Variants in SEC24A observed in about 807,000 individuals in gnomAD.
SEC24A encodes protein transport protein Sec24A.
In SEC24A, 93 loss-of-function variants were observed where a neutral mutation model predicts 129.4. The observed-to-expected ratio is 0.72, with a 90% CI of 0.61 to 0.85. The LOEUF is 0.85. SEC24A is among the 40% of genes least tolerant of loss of function. The pLI, the probability that SEC24A is intolerant of heterozygous loss-of-function variation, is 0.00. For missense variants in SEC24A, 1,264 were observed against 1,307.4 expected, an observed-to-expected ratio of 0.97 and a Z score of 0.51; for synonymous variants, 460 against 467.3, an observed-to-expected ratio of 0.98 and a Z score of 0.20.
Position 134,648,797 on chromosome 5 carries a change from G to A in SEC24A, c.-280G>A. ...GCGGCTGACAGGCACTTCCGGCCAG[G>A]GCCTCCCTCCTTCTCTCTAGGTTTG... On this transcript the variant is annotated 5_prime_UTR_variant, in exon 1 of 23. Transcript: ENST00000398844. 1 of 283,842 alleles carries A rather than the reference G, an allele frequency of 3.5e-6. No individual in the cohort carries two copies. The highest frequency in any genetic ancestry group is 6.6e-6 in the Non-Finnish European group (1 of 150,976). The allele number at this position is 283,842 out of a possible 1,614,324, so 17.6% of individuals were successfully genotyped here.
chr5:134,688,569 C>G (rs1751527855), intron 11 of SEC24A, among the ~76,000 whole-genome samples: 1 of 152,044 alleles, frequency 6.6e-6, no homozygotes, highest in South Asian at 2.1e-4. Flanking sequence ...CCCCCTTCTT[C>G]CCATTTATTC....
rs756556397 is a variant in SEC24A, at chr5:134,666,929, C to T, written c.672C>T (p.Leu224=). ...PAGGPPPVRA[L]TPLTSSYRDV... The stretch of plus-strand genomic sequence containing the variant: ...GAGGCCCACCCCCAGTGAGGGCCCT[C>T]ACGCCCCTGACATCATCATATAGAG... Residue 224 remains leucine (L), a synonymous_variant, in exon 3 of 23, where the codon CTC becomes CTT. Transcript: ENST00000398844. 6.2e-7 allele frequency: 1 copy of T among 1,613,854 alleles called. No individual in the cohort carries two copies.
chr5:134,705,103 T>TTTTTTTTTA (rs1554141323), intron 16 of SEC24A, among the ~76,000 whole-genome samples: 1 of 140,442 alleles, frequency 7.1e-6, no homozygotes, highest in African/African-American at 2.6e-5. Flanking sequence ...TTTTTTTTTT[T>TTTTTTTTTA]AATTAATTTA....
At chr5:134,686,674 A>G in intron 9 of SEC24A, 116 bp from the exon 10 acceptor site, 1 of 540,444 alleles carries the variant, frequency 1.9e-6, no homozygotes, top group Non-Finnish European at 3.2e-6. Flanking sequence ...GTTTATTATA[A>G]TCTCTACTCA....
In SEC24A at chr5:134,727,274, T is replaced by G. The variant is rs569040026; in HGVS notation, c.*2180T>G. On this transcript the variant is annotated 3_prime_UTR_variant, in exon 23 of 23. Coordinates refer to ENST00000398844, the MANE Select transcript of SEC24A (RefSeq NM_021982.3). Reference sequence around the variant, plus strand: ...AATTATAGTTGTAAATTATGAAAGATCCTTGAATTTTCTACAGATCTACAA... The same window carrying G: ...AATTATAGTTGTAAATTATGAAAGAGCCTTGAATTTTCTACAGATCTACAA... 6.6e-6 allele frequency: 1 copy of G among 152,568 alleles called. No individual in the cohort carries two copies. Among genetic ancestry groups the G allele is most frequent in the South Asian group, 2.1e-4 (1 of 4,824 alleles). 9.5% of individuals were successfully genotyped at this position (152,568 alleles called of 1,614,324 possible). A position where few individuals can be genotyped will look rare whatever the true frequency, so the allele number is the denominator to read the frequency against.
chr5:134,724,378 T>C (rs1202933560), intron 22 of SEC24A, among the ~76,000 whole-genome samples: 2 of 152,040 alleles, frequency 1.3e-5, no homozygotes, highest in Non-Finnish European at 2.9e-5. Context: ...CACCTGAGGT[T>C]GGGAGTTCGA....
chr5:134,675,188 A>T lies in SEC24A; in HGVS notation c.1122A>T (p.Glu374Asp). 1 of 1,612,880 alleles carries T rather than the reference A, an allele frequency of 6.2e-7. No homozygotes were observed. The change falls in exon 6 of 23, where the codon GAA (glutamate) becomes GAT (aspartate). Residue 374 changes from glutamate (E) to aspartate (D), a missense_variant. Transcript: ENST00000398844. ...AGCCTCCAGTTCCAAATTTGCATGA[A>T]GACATCCAGAAACTCAACTGTAACC... ...PLKPPVPNLH[E>D]DIQKLNCNPE...
intron 14 of SEC24A, among the ~76,000 whole-genome samples, chr5:134,697,654 G>A (rs771828977): frequency 6.6e-6 from 1 of 152,150 alleles, no homozygotes; most frequent in Non-Finnish European, 1.5e-5. Flanking sequence ...TGCCTGGAAG[G>A]CTGAGGTGGG....
At position 134,693,808 on chromosome 5, in the gene SEC24A, C is replaced by T; in HGVS notation, c.1861C>T (p.Gln621Ter). 1 of 1,614,168 alleles carries T rather than the reference C, an allele frequency of 6.2e-7. No individual in the cohort carries two copies. The highest frequency in any genetic ancestry group is 8.5e-7 in the Non-Finnish European group (1 of 1,180,028). The change falls in exon 13 of 23, where the codon CAG becomes TAG. Residue 621 changes from glutamine (Q) to a stop codon, truncating the protein, a stop_gained. Transcript: ENST00000398844. LOFTEE classifies it high-confidence loss of function. ...CCAGAGTGCCTTGGGTCCTGCACTG[C>T]AGGCTGCCTTTAAGCTGATGTCTCC... The part of the protein sequence containing the change: ...ETQSALGPAL[Q>*]AAFKLMSPTG...
At chr5:134,714,659 T>G (rs1299447402) in intron 18 of SEC24A, among the ~76,000 whole-genome samples, 1 of 152,212 alleles carries the variant, frequency 6.6e-6, no homozygotes, top group Non-Finnish European at 1.5e-5. Context: ...ATGTATGCCT[T>G]TACTTTGTCA....
chr5:134,715,565 A>C (rs1345964024), intron 19 of SEC24A: 1 of 161,582 alleles, frequency 6.2e-6, no homozygotes. Flanking sequence ...ATGACACACA[A>C]ATTCGTGAAG....
At chr5:134,658,790 G>A (rs1048346048) in intron 1 of SEC24A, among the ~76,000 whole-genome samples, 2 of 152,070 alleles carry the variant, frequency 1.3e-5, no homozygotes, top group African/African-American at 4.8e-5. Context: ...GGATAAATGG[G>A]CTTTTAGAAT....
chr5:134,667,669 C>CAAAAAAAAAAAAAAAAAATAAA (rs1191699758), intron 3 of SEC24A, among the ~76,000 whole-genome samples: 1 of 115,038 alleles, frequency 8.7e-6, no homozygotes, highest in Non-Finnish European at 1.8e-5. Context: ...AAAAAAAAAA[C>CAAAAAAAAAAAAAAAAAATAAA]AAAAAAAAAA....
chr5:134,697,974 T>A lies in SEC24A; in HGVS notation c.2183T>A (p.Val728Glu), dbSNP rs1045016483. ...SYHHQHNPVQ[V>E]QKLQKELQRY... ...CATCATCAGCACAACCCAGTCCAAG[T>A]ACAGAAATTACAGAAGGAACTACAG... is the stretch of plus-strand genomic sequence containing the variant. Residue 728 changes from valine (V) to glutamate (E), a missense_variant, in exon 15 of 23, where the codon GTA becomes GAA. Transcript: ENST00000398844. 4 of 1,613,908 alleles carry A rather than the reference T, an allele frequency of 2.5e-6. No individual in the cohort carries two copies. Among genetic ancestry groups the A allele is most frequent in the Non-Finnish European group, 3.4e-6 (4 of 1,179,890 alleles).
In SEC24A at chr5:134,703,939, T is replaced by C. The variant is rs1190687882; in HGVS notation, c.2440+7T>C. ...TTGTATACATCCAGCAAAGGTAAATTGTTTGTTTTTTTTTGGATTTCAAAT... is the reference window on the plus strand; with the variant it reads ...TTGTATACATCCAGCAAAGGTAAATCGTTTGTTTTTTTTTGGATTTCAAAT... On this transcript the variant is annotated splice_region_variant and intron_variant, in intron 16 of 22. Transcript: ENST00000398844. 1 of 1,542,918 alleles carries C rather than the reference T, an allele frequency of 6.5e-7. No homozygotes were observed. Among genetic ancestry groups the C allele is most frequent in the Admixed American group, 2.0e-5 (1 of 49,988 alleles).
intron 22 of SEC24A, 102 bp from the exon 23 acceptor site, chr5:134,724,878 A>G (rs75780569): frequency 4.5e-6 from 3 of 672,530 alleles, no homozygotes; most frequent in East Asian, 2.8e-5. Flanking sequence ...GTAACTGTTT[A>G]TATAGTAAAT....
At chr5:134,720,164 GA>G (rs1323680445) in intron 20 of SEC24A, among the ~76,000 whole-genome samples, 2 of 152,168 alleles carry the variant, frequency 1.3e-5, no homozygotes, top group Non-Finnish European at 2.9e-5. Flanking sequence ...GACTCACCCA[GA>G]GCAACTTTCA....
chr5:134,678,932 C>G (rs1335353806), intron 7 of SEC24A, among the ~76,000 whole-genome samples: 1 of 151,984 alleles, frequency 6.6e-6, no homozygotes, highest in African/African-American at 2.4e-5. Flanking sequence ...CCAGGTTGGT[C>G]TCAAACTCCT....
Position 134,666,948 on chromosome 5 carries a change from T to C in SEC24A, c.691T>C (p.Tyr231His), listed in dbSNP as rs749650430. 1.2e-6 allele frequency: 2 copies of C among 1,611,682 alleles called. No homozygotes were observed. Among genetic ancestry groups the C allele is most frequent in the African/African-American group, 2.7e-5 (2 of 74,872 alleles). The part of the protein sequence containing the change: ...VRALTPLTSS[Y>H]RDVPQPLFNS... The stretch of plus-strand genomic sequence containing the variant: ...GGCCCTCACGCCCCTGACATCATCA[T>C]ATAGAGATGTACCCCAGCCCTTATT... Residue 231 changes from tyrosine to histidine, a missense_variant, in exon 3 of 23, where the codon TAT becomes CAT. Transcript: ENST00000398844.
Sources: allele counts gnomAD v4.1 joint callset (sites outside exome capture counted in the v4.1 genomes callset), GRCh38; gene constraint gnomAD v4.1.1; transcripts MANE v1.5; gene names NCBI Gene and HGNC (gene_info 2026-07-23, HGNC 2026-07-21).